HAVCR2: variants seen among roughly 807,000 people sequenced by gnomAD.
HAVCR2 encodes hepatitis A virus cellular receptor 2.
Under a neutral mutation model 24.7 loss-of-function variants are expected in HAVCR2, and 13 were observed. The ratio of observed to expected loss-of-function variants is 0.53; its 90% CI spans 0.34 to 0.84. The LOEUF (loss-of-function observed/expected upper bound fraction) is 0.84. Among genes scored for constraint, HAVCR2 ranks in the 40% least tolerant of loss-of-function variants. The pLI is 0.01. For missense variants in HAVCR2, 343 were observed against 371.2 expected (o/e 0.92, Z 0.62); for synonymous variants, 154 against 143.4 (o/e 1.07, Z -0.53).
chr5:157,088,499 T>G (rs1276871217), intron 6 of HAVCR2, among the ~76,000 whole-genome samples: 1 of 152,186 alleles, frequency 6.6e-6, no homozygotes, highest in Non-Finnish European at 1.5e-5. Context: ...TTAGTACACT[T>G]CAGTGCCTGG....
chr5:157,102,085 C>T (rs1757175714), intron 3 of HAVCR2, among the ~76,000 whole-genome samples: 1 of 151,594 alleles, frequency 6.6e-6, no homozygotes, highest in Non-Finnish European at 1.5e-5. Context: ...TATAGGCATG[C>T]ACCACCATGA....
Position 157,095,431 on chromosome 5 carries a change from C to A in HAVCR2, c.551G>T (p.Arg184Leu). Residue 184 changes from arginine to leucine, a missense_variant, in exon 5 of 7, where the codon CGG becomes CTG. Physicochemically the swap from Arg to Leu is moderately radical, Grantham distance 102 (BLOSUM62 -2). Transcript: ENST00000307851. ...TQISTLANEL[R>L]DSRLANDLRD... Reference sequence around the variant, plus strand: ...TAAGTCATTGGCCAATCTAGAGTCCCGTAACTCATTGGCCAATGTGGATAT... The same window carrying A: ...TAAGTCATTGGCCAATCTAGAGTCCAGTAACTCATTGGCCAATGTGGATAT... The A allele has an allele frequency of 6.2e-7, 1 of 1,613,918 alleles. No individual in the cohort carries two copies. Among genetic ancestry groups the A allele is most frequent in the Non-Finnish European group, 8.5e-7 (1 of 1,179,870 alleles).
rs556443053 is a variant in HAVCR2 at position 157,092,878 on chromosome 5, CAAAAAAAAAAAAAAAA to C, written c.676+2412_676+2427del. Among the ~76,000 whole-genome samples, 65 of 44,038 alleles carry C rather than the reference CAAAAAAAAAAAAAAAA, an allele frequency of 1.5e-3. 2 individuals carry two copies. Among genetic ancestry groups the C allele is most frequent in the Non-Finnish European group, 2.1e-3 (46 of 21,710 alleles). 28.9% of individuals were successfully genotyped at this position (44,038 alleles called of 152,430 possible). On this transcript the variant is annotated intron_variant, in intron 5 of 6. Transcript: ENST00000307851. The stretch of plus-strand genomic sequence containing the variant: ...CAACATGGCAAAACCCTGTCTCTAC[CAAAAAAAAAAAAAAAA>C]AAAAAAAAAAAAAAAAAAAAAAAAC...
intron 6 of HAVCR2, among the ~76,000 whole-genome samples, chr5:157,088,267 A>G (rs528930252): frequency 9.2e-5 from 14 of 152,224 alleles, no homozygotes; most frequent in Non-Finnish European, 2.1e-4. Context: ...AAACATCACT[A>G]AAAGTCTAAA....
chr5:157,088,921 C>A lies in HAVCR2; in HGVS notation c.713+20G>T, dbSNP rs745835187. 1 of 1,603,676 alleles carries A rather than the reference C, an allele frequency of 6.2e-7. No homozygotes were observed. The highest frequency in any genetic ancestry group is 2.2e-5 in the East Asian group (1 of 44,618). The stretch of plus-strand genomic sequence containing the variant: ...TTCCAAGATTCTCACCTTTTCCCAA[C>A]CCCATTCCATTATTCTTACCTTAAA... On this transcript the variant is annotated intron_variant, in intron 6 of 6. Coordinates refer to ENST00000307851, the MANE Select transcript of HAVCR2 (RefSeq NM_032782.5).
rs1282160072 is a variant in HAVCR2, at chr5:157,086,302, C to T, written c.*800G>A. On this transcript the variant is annotated 3_prime_UTR_variant, in exon 7 of 7. Transcript: ENST00000307851. ...TCAAATAAGCCTAAATCTCAACATT[C>T]CAAGGGAATCTTCAAGATCAAGGTA... is the stretch of plus-strand genomic sequence containing the variant. 6.6e-6 allele frequency: 1 copy of T among 152,184 alleles called. No homozygotes were observed. The highest frequency in any genetic ancestry group is 2.4e-5 in the African/African-American group (1 of 41,436). The allele number at this position is 152,184 out of a possible 1,614,324, so 9.4% of individuals were successfully genotyped here. A position where few individuals can be genotyped will look rare whatever the true frequency, so the allele number is the denominator to read the frequency against.
chr5:157,104,863 C>G lies in HAVCR2; in HGVS notation c.395-114G>C, dbSNP rs1581762966. ...GAAAGACAATTAAGAAAGAGAAATA[C>G]ACCCTCAGCTTCCAAACCTGCCTGG... On this transcript the variant is annotated intron_variant, in intron 2 of 6. Coordinates refer to ENST00000307851, the MANE Select transcript of HAVCR2 (RefSeq NM_032782.5). 4 of 655,792 alleles carry G rather than the reference C, an allele frequency of 6.1e-6. No homozygotes were observed. The East Asian group carries it at 1.2e-4, about 20-fold the overall frequency. 40.6% of individuals were successfully genotyped at this position (655,792 alleles called of 1,614,324 possible).
rs1757030705 is a variant in HAVCR2 at position 157,092,985 on chromosome 5, T to C, written c.676+2321A>G. ...TGGGAGGCTGAGGCACAAGAATTGC[T>C]TGAACCCAGGAGGCAGAGGTTGAAG... is the stretch of plus-strand genomic sequence containing the variant. On this transcript the variant is annotated intron_variant, in intron 5 of 6. Transcript: ENST00000307851. 2.1e-5 allele frequency among the ~76,000 whole-genome samples: 3 copies of C among 144,724 alleles called. No homozygotes were observed. In the Admixed American group the frequency reaches 2.1e-4, roughly 10 times the overall value. The allele number at this position is 144,724 out of a possible 152,430, so 94.9% of individuals were successfully genotyped here. A position where few individuals can be genotyped will look rare whatever the true frequency, so the allele number is the denominator to read the frequency against.
intron 3 of HAVCR2, among the ~76,000 whole-genome samples, chr5:157,100,883 G>A (rs1458262947): frequency 6.6e-6 from 1 of 152,112 alleles, no homozygotes; most frequent in Non-Finnish European, 1.5e-5. Context: ...AGATCACGAG[G>A]TCAGGAGATC....
chr5:157,101,941 ATTTTT>A, intron 3 of HAVCR2, among the ~76,000 whole-genome samples: 1 of 83,040 alleles, frequency 1.2e-5, no homozygotes, highest in Non-Finnish European at 2.3e-5. Flanking sequence ...ATGCCCGGCT[ATTTTT>A]TTTTTTTTTT....
chr5:157,104,731 G>T lies in HAVCR2; in HGVS notation c.413C>A (p.Pro138Gln). 6.3e-7 allele frequency: 1 copy of T among 1,598,120 alleles called. No homozygotes were observed. The highest frequency in any genetic ancestry group is 8.5e-7 in the Non-Finnish European group (1 of 1,170,874). ...TGCAGTGAAGTCTCTCTGCCGAGTC[G>T]GTGCAGGGGTGACCTTGGCTAATGT... ...VIKPAKVTPA[P>Q]TRQRDFTAAF... The change falls in exon 3 of 7, where the codon CCG becomes CAG. Residue 138 changes from proline (P) to glutamine (Q), a missense_variant. Pro to Gln is a moderately conservative substitution (Grantham distance 76). Transcript: ENST00000307851.
In HAVCR2 at chr5:157,098,886, A is replaced by G; in HGVS notation, c.494T>C (p.Leu165Pro). The G allele has an allele frequency of 6.2e-7, 1 of 1,613,126 alleles. No homozygotes were observed. The highest frequency in any genetic ancestry group is 8.5e-7 in the Non-Finnish European group (1 of 1,179,272). The change falls in exon 4 of 7, where the codon CTG becomes CCG. Residue 165 changes from leucine to proline, a missense_variant. Coordinates refer to ENST00000307851, the MANE Select transcript of HAVCR2 (RefSeq NM_032782.5). The part of the protein sequence containing the change: ...RGHGPAETQT[L>P]GSLPDINLTQ... The stretch of plus-strand genomic sequence containing the variant: ...TAGATTTATATCAGGGAGGCTCCCC[A>G]GTGTCTGTGTCTCTGCTATAAAAAG...
At chr5:157,090,951 T>C (rs35313873) in intron 5 of HAVCR2, among the ~76,000 whole-genome samples, 5,867 of 152,132 alleles carry the variant, frequency 0.039, 270 homozygotes, top group African/African-American at 0.11. Flanking sequence ...TCAAGTGATC[T>C]TCCTGCTTCA....
chr5:157,098,792 G>A, intron 4 of HAVCR2, 66 bp downstream of exon 4: 1 of 1,436,512 alleles, frequency 7.0e-7, no homozygotes, highest in Non-Finnish European at 9.7e-7. Flanking sequence ...GGGCATGAAG[G>A]AAGTCTAAAG....
chr5:157,089,232 AG>A (rs2113683838), intron 5 of HAVCR2, among the ~76,000 whole-genome samples: 1 of 152,342 alleles, frequency 6.6e-6, no homozygotes, highest in African/African-American at 2.4e-5. Flanking sequence ...GCCTGGCACA[AG>A]GAACACAGGA....
chr5:157,088,976 C>A lies in HAVCR2; in HGVS notation c.678G>T (p.Trp226Cys). The A allele has an allele frequency of 1.2e-6, 2 of 1,604,872 alleles. No individual in the cohort carries two copies. ...GTATCTTCTCTTTGCTATGAGAATA[C>A]CCTAGTAAGGGGGAAACAAAAGCCA... ...ALIFGALIFKWYSHSKEKIQN... is the reference protein window; with the variant it reads ...ALIFGALIFKCYSHSKEKIQN... Residue 226 changes from tryptophan to cysteine, a missense_variant and splice_region_variant, in exon 6 of 7, where the codon TGG (tryptophan) becomes TGT (cysteine). Transcript: ENST00000307851.
chr5:157,094,837 G>A (rs1757068652), intron 5 of HAVCR2, among the ~76,000 whole-genome samples: 1 of 152,134 alleles, frequency 6.6e-6, no homozygotes, highest in African/African-American at 2.4e-5. Context: ...CTGCCAGAGA[G>A]GTATGCCTGA....
chr5:157,103,265 G>A (rs537669894), intron 3 of HAVCR2, among the ~76,000 whole-genome samples: 2 of 152,144 alleles, frequency 1.3e-5, no homozygotes, highest in African/African-American at 4.8e-5. Context: ...CAGCTACTTG[G>A]GAGGCTGAGG....
At chr5:157,097,250 AT>A (rs1221167508) in intron 4 of HAVCR2, among the ~76,000 whole-genome samples, 3,956 of 128,544 alleles carry the variant, frequency 0.031, 35 homozygotes, top group Non-Finnish European at 0.04. Context: ...CCCTCAAGTA[AT>A]TTTTTTTTTT....
Sources: allele counts gnomAD v4.1 joint callset (sites outside exome capture counted in the v4.1 genomes callset), GRCh38; gene constraint gnomAD v4.1.1; transcripts MANE v1.5; gene names NCBI Gene and HGNC (gene_info 2026-07-23, HGNC 2026-07-21).